PRDM11: variants seen among roughly 807,000 people sequenced by gnomAD.
PRDM11 encodes PR domain-containing protein 11.
Under a neutral mutation model 97.8 loss-of-function variants are expected in PRDM11, and 20 were observed. That is an observed-to-expected ratio of 0.20 (90% CI 0.14 to 0.30). The LOEUF (loss-of-function observed/expected upper bound fraction) is 0.30. Ranked by LOEUF, PRDM11 falls within the 10% of genes least tolerant of loss-of-function variation. The pLI is 1.00. For synonymous variants in PRDM11, 599 were observed against 637.7 expected (o/e 0.94, Z 0.91); for missense variants, 1,139 against 1,555.2 (o/e 0.73, Z 4.50).
intron 1 of PRDM11, among the ~76,000 whole-genome samples, chr11:45,158,988 C>T (rs1020808617): frequency 1.9e-4 from 29 of 152,106 alleles, no homozygotes; most frequent in Admixed American, 6.5e-5. Context: ...TCTCCTTGAG[C>T]CCCCCCTTCC....
chr11:45,209,711 C>T (rs1341380149), intron 5 of PRDM11, among the ~76,000 whole-genome samples: 2 of 152,146 alleles, frequency 1.3e-5, no homozygotes, highest in Admixed American at 1.3e-4. Context: ...ACAGGGGCCG[C>T]GGGGTTTCAG....
chr11:45,209,393 T>G, intron 5 of PRDM11: 1 of 338,094 alleles, frequency 3.0e-6, no homozygotes, highest in East Asian at 8.0e-5. Flanking sequence ...TTCTCTCCTG[T>G]CCCTCTCTGT....
In PRDM11 at chr11:45,227,269, T is replaced by C; in HGVS notation, c.2644T>C (p.Tyr882His). 1 of 1,533,988 alleles carries C rather than the reference T, an allele frequency of 6.5e-7. No individual in the cohort carries two copies. The highest frequency in any genetic ancestry group is 1.2e-5 in the South Asian group (1 of 83,968). The change falls in exon 8 of 8, where the codon TAC (tyrosine) becomes CAC (histidine). Residue 882 changes from tyrosine to histidine, a missense_variant. Tyr to His is a moderately conservative substitution (Grantham distance 83). Coordinates refer to ENST00000683152, the MANE Select transcript of PRDM11 (RefSeq NM_001384648.1). This position sits in a 1 kb window ranked among gnomAD's most constrained non-coding sequence, Gnocchi z 8.0. The stretch of plus-strand genomic sequence containing the variant: ...GGACTACCAGTCCATCAAGCTCATC[T>C]ACTTCCTGCTGGACGTGATTGCTGT... ...LMDYQSIKLI[Y>H]FLLDVIAVLS...
At chr11:45,132,180 C>T (rs922593749) in intron 1 of PRDM11, among the ~76,000 whole-genome samples, 3 of 152,168 alleles carry the variant, frequency 2.0e-5, no homozygotes, top group Admixed American at 6.5e-5. Context: ...TGATTGGATT[C>T]CCTGGAGCTG....
chr11:45,156,897 C>T (rs891604547), intron 1 of PRDM11, among the ~76,000 whole-genome samples: 15 of 152,086 alleles, frequency 9.9e-5, no homozygotes, highest in African/African-American at 3.6e-4. Flanking sequence ...ACAGTATGTG[C>T]AAAGGCAGGA....
At chr11:45,188,558 G>C (rs1852794842) in intron 4 of PRDM11, among the ~76,000 whole-genome samples, 1 of 152,230 alleles carries the variant, frequency 6.6e-6, no homozygotes, top group Non-Finnish European at 1.5e-5. Context: ...CTGGAGGAAA[G>C]CTGGCCTGAC....
rs1852368185 is a variant in PRDM11, at chr11:45,177,926, G to A, written c.-6-3835G>A. Among the ~76,000 whole-genome samples the A allele has an allele frequency of 2.6e-5, 4 of 152,220 alleles. No individual in the cohort carries two copies. In the South Asian group the frequency reaches 8.3e-4, roughly 32 times the overall value. ...TAACTGTCCTGTTTAGTATGTGTTT[G>A]TTTTATAAAACATTGCAAATCTTTT... On this transcript the variant is annotated intron_variant, in intron 1 of 7. Transcript: ENST00000683152.
chr11:45,220,876 T>A (rs1372239132), intron 6 of PRDM11, among the ~76,000 whole-genome samples: 1 of 151,852 alleles, frequency 6.6e-6, no homozygotes, highest in African/African-American at 2.4e-5. Context: ...GACTGGTGAG[T>A]CCAGGCCCTT....
intron 4 of PRDM11, among the ~76,000 whole-genome samples, chr11:45,199,789 A>T (rs960730552): frequency 2.0e-5 from 3 of 152,172 alleles, no homozygotes; most frequent in African/African-American, 7.2e-5. Context: ...CATCAGTGGC[A>T]TGTAACGTGG....
At chr11:45,118,761 T>TGACAAAATGTTTTTCC (rs1852356911) in intron 1 of PRDM11, among the ~76,000 whole-genome samples, 3 of 152,388 alleles carry the variant, frequency 2.0e-5, no homozygotes, top group Admixed American at 2.0e-4. Flanking sequence ...TAAGTATGAA[T>TGACAAAATGTTTTTCC]GACAAAATGT....
At position 45,194,502 on chromosome 11, in the gene PRDM11, T is replaced by A. The variant is rs575754922; in HGVS notation, c.487-10209T>A. Among the ~76,000 whole-genome samples the A allele has an allele frequency of 1.7e-3, 258 of 151,300 alleles. 2 individuals are homozygous for A. Among genetic ancestry groups the A allele is most frequent in the Non-Finnish European group, 3.0e-3 (203 of 67,832 alleles). ...GGTTGATGAACAACAATAACAACAATAATAGTAGTAACAATAATAGCTGCT... is the reference window on the plus strand; with the variant it reads ...GGTTGATGAACAACAATAACAACAAAAATAGTAGTAACAATAATAGCTGCT... On this transcript the variant is annotated intron_variant, in intron 4 of 7. Coordinates refer to ENST00000683152, the MANE Select transcript of PRDM11 (RefSeq NM_001384648.1).
intron 1 of PRDM11, among the ~76,000 whole-genome samples, chr11:45,101,707 T>C (rs1362800911): frequency 1.4e-5 from 1 of 73,142 alleles, no homozygotes; most frequent in African/African-American, 6.1e-5. Context: ...GGCTCAGAGC[T>C]GGAGGCTGAG....
intron 1 of PRDM11, among the ~76,000 whole-genome samples, chr11:45,156,320 T>C (rs1851792599): frequency 6.6e-6 from 1 of 152,246 alleles, no homozygotes; most frequent in East Asian, 1.9e-4. Flanking sequence ...TTTTCAAACC[T>C]TCCCATCCAT....
At chr11:45,206,241 C>G (rs2135801132) in intron 5 of PRDM11, among the ~76,000 whole-genome samples, 1 of 152,330 alleles carries the variant, frequency 6.6e-6, no homozygotes, top group South Asian at 2.1e-4. Context: ...GCTCACACCT[C>G]CTACCACAGA....
chr11:45,135,785 T>A (rs192583987), intron 1 of PRDM11, among the ~76,000 whole-genome samples: 3 of 152,144 alleles, frequency 2.0e-5, no homozygotes, highest in Non-Finnish European at 4.4e-5. Flanking sequence ...AAAATCCCAA[T>A]GGCTTCCTCT....
chr11:45,193,308 A>G (rs1318086514), intron 4 of PRDM11, among the ~76,000 whole-genome samples: 1 of 152,168 alleles, frequency 6.6e-6, no homozygotes, highest in African/African-American at 2.4e-5. Flanking sequence ...ACATTTACAT[A>G]TTAAGTTTAT....
At chr11:45,158,612 C>T (rs1851857099) in intron 1 of PRDM11, among the ~76,000 whole-genome samples, 1 of 152,200 alleles carries the variant, frequency 6.6e-6, no homozygotes, top group Non-Finnish European at 1.5e-5. Flanking sequence ...GTCTGCTGTA[C>T]CCGACTTGGT....
chr11:45,228,240 ATATATTATATTATAT>A lies in PRDM11; in HGVS notation c.*97_*111del, dbSNP rs72446887. Reference sequence around the variant, plus strand: ...ATAAGCTTTGATATATTATATAAATATATATTATATTATATTATATTATATTATATATATATATAT... The same window carrying A: ...ATAAGCTTTGATATATTATATAAATATATATTATATTATATATATATATAT... On this transcript the variant is annotated 3_prime_UTR_variant, in exon 8 of 8. Coordinates refer to ENST00000683152, the MANE Select transcript of PRDM11 (RefSeq NM_001384648.1). 2 of 226,786 alleles carry A rather than the reference ATATATTATATTATAT, an allele frequency of 8.8e-6. No homozygotes were observed. The highest frequency in any genetic ancestry group is 1.5e-5 in the Non-Finnish European group (2 of 134,600). 14.0% of individuals were successfully genotyped at this position (226,786 alleles called of 1,614,324 possible). A position where few individuals can be genotyped will look rare whatever the true frequency, so the allele number is the denominator to read the frequency against.
chr11:45,171,939 A>G (rs1852211753), intron 1 of PRDM11, among the ~76,000 whole-genome samples: 1 of 152,052 alleles, frequency 6.6e-6, no homozygotes, highest in African/African-American at 2.4e-5. Flanking sequence ...GTAACTATCT[A>G]GAGCTGGTGC....
Sources: gnomAD v4.1 joint callset for allele counts (sites outside exome capture counted in the v4.1 genomes callset) on GRCh38, gnomAD v4.1.1 for gene constraint, Gnocchi (gnomAD v3.1) non-coding constraint, MANE v1.5 for transcripts, NCBI Gene and HGNC (gene_info 2026-07-23, HGNC 2026-07-21) for gene names.